GUSB: variants seen among roughly 807,000 people sequenced by gnomAD.
The protein encoded by GUSB is glucuronidase beta.
GUSB carries 51 observed loss-of-function variants against 74.6 expected under a neutral mutation model. That is an observed-to-expected ratio of 0.68 (90% confidence interval 0.55 to 0.86). GUSB has a LOEUF of 0.86. Ranked by LOEUF, GUSB falls within the 40% of genes least tolerant of loss-of-function variation. GUSB has a pLI of 0.00. For missense variants in GUSB, 736 were observed against 853.7 expected (o/e 0.86, Z 1.72); for synonymous variants, 360 against 348.3 (o/e 1.03, Z -0.37).
In GUSB at chr7:65,980,343, G is replaced by T; in HGVS notation, c.277C>A (p.Arg93=). The T allele has an allele frequency of 6.2e-7, 1 of 1,613,792 alleles. No homozygotes were observed. The highest frequency in any genetic ancestry group is 8.5e-7 in the Non-Finnish European group (1 of 1,179,852). Residue 93 remains arginine (R), a synonymous_variant, in exon 2 of 12, where the codon CGG becomes AGG. Coordinates refer to ENST00000304895, the MANE Select transcript of GUSB (RefSeq NM_000181.4). The part of the protein sequence containing the change: ...FNDISQDWRL[R]HFVGWVWYER... ...TACCACACCCAGCCGACAAAATGCC[G>T]CAGACGCCAGTCCTGGCTGATGTCA...
intron 1 of GUSB, 83 bp from the exon 2 acceptor site, chr7:65,980,492 C>A: frequency 1.6e-6 from 2 of 1,249,828 alleles, no homozygotes; most frequent in East Asian, 2.5e-5. Context: ...GCCCCCAGGC[C>A]TAGCACAAGC....
At position 65,970,750 on chromosome 7, in the gene GUSB, G is replaced by A. The variant is rs573285593; in HGVS notation, c.1392-384C>T. On this transcript the variant is annotated intron_variant, in intron 8 of 11. Transcript: ENST00000304895. ...TAAAAATACAAAAAATTAGCCGGGCGTGGTGGCCGGCGCCTATAGTCTGAG... is the reference window on the plus strand; with the variant it reads ...TAAAAATACAAAAAATTAGCCGGGCATGGTGGCCGGCGCCTATAGTCTGAG... Among the ~76,000 whole-genome samples the A allele has an allele frequency of 2.4e-3, 365 of 152,178 alleles. 1 individual carries two copies. The highest frequency in any genetic ancestry group is 8.3e-3 in the African/African-American group (344 of 41,524).
At chr7:65,977,491 T>G (rs1185778265) in intron 4 of GUSB, among the ~76,000 whole-genome samples, 3 of 152,190 alleles carry the variant, frequency 2.0e-5, no homozygotes, top group East Asian at 3.9e-4. Context: ...TAAATTGCTC[T>G]ATGGTGCATT....
chr7:65,980,047 A>G lies in GUSB; in HGVS notation c.397-136T>C. On this transcript the variant is annotated intron_variant, in intron 2 of 11. Coordinates refer to ENST00000304895, the MANE Select transcript of GUSB (RefSeq NM_000181.4). ...AGCCAGACGGGAAGAATGACATCCC[A>G]ATGGGGTAGATCAGGCTACCTATCC... 2.1e-6 allele frequency: 2 copies of G among 943,276 alleles called. 1 individual carries two copies. The highest frequency in any genetic ancestry group is 3.0e-5 in the South Asian group (2 of 65,712). 58.4% of individuals were successfully genotyped at this position (943,276 alleles called of 1,614,324 possible).
At chr7:65,971,634 AG>A (rs1404884009) in intron 8 of GUSB, among the ~76,000 whole-genome samples, 1 of 151,928 alleles carries the variant, frequency 6.6e-6, no homozygotes, top group Non-Finnish European at 1.5e-5. Context: ...CATGAGGCTG[AG>A]GCAGAAGAAT....
At chr7:65,980,477 G>T in intron 1 of GUSB, 68 bp from the exon 2 acceptor site, 1 of 1,425,254 alleles carries the variant, frequency 7.0e-7, no homozygotes, top group African/African-American at 1.4e-5. Context: ...GTGCTGCACG[G>T]CTGTGCCCCC....
chr7:65,964,191 A>G (rs1459901751), intron 11 of GUSB, 132 bp downstream of exon 11: 8 of 888,992 alleles, frequency 9.0e-6, no homozygotes, highest in Non-Finnish European at 1.5e-5. Flanking sequence ...TTCTCAACGC[A>G]ACCTACATGG....
At chr7:65,962,892 T>G (rs1790592597) in intron 11 of GUSB, among the ~76,000 whole-genome samples, 1 of 151,430 alleles carries the variant, frequency 6.6e-6, no homozygotes, top group Admixed American at 6.6e-5. Context: ...AGAGTCTCAC[T>G]CTATTGCTCA....
intron 1 of GUSB, chr7:65,980,848 A>G (rs1791963228): frequency 1.1e-5 from 3 of 269,838 alleles, no homozygotes; most frequent in Non-Finnish European, 2.2e-5. Context: ...CAAAGTCAGA[A>G]TAAGAGGATG....
chr7:65,981,921 T>C (rs2116060818), intron 1 of GUSB, 53 bp downstream of exon 1: 1 of 1,493,374 alleles, frequency 6.7e-7, no homozygotes, highest in Non-Finnish European at 9.1e-7. Context: ...CGGGCTCCCC[T>C]ACTCCCACCG....
chr7:65,974,260 C>T (rs1228457465), intron 8 of GUSB, 35 bp downstream of exon 8: 9 of 1,611,598 alleles, frequency 5.6e-6, no homozygotes, highest in Non-Finnish European at 7.6e-6. Flanking sequence ...GGGTCTCCTT[C>T]CCACTCTAGC....
intron 10 of GUSB, among the ~76,000 whole-genome samples, chr7:65,966,809 C>T (rs925576452): frequency 1.3e-5 from 2 of 151,938 alleles, no homozygotes; most frequent in Admixed American, 1.3e-4. Flanking sequence ...AAGGCTAGCA[C>T]AGTGGATCAT....
chr7:65,978,555 G>A (rs1216697254), intron 4 of GUSB, among the ~76,000 whole-genome samples: 1 of 152,036 alleles, frequency 6.6e-6, no homozygotes, highest in Non-Finnish European at 1.5e-5. Flanking sequence ...ATCACCTGAG[G>A]TTAGGAGTTC....
intron 3 of GUSB, 48 bp downstream of exon 3, chr7:65,979,679 G>A (rs1241224467): frequency 1.9e-6 from 3 of 1,596,318 alleles, no homozygotes; most frequent in Admixed American, 3.3e-5. Flanking sequence ...AGACCACAGG[G>A]TGGGGCGGGA....
chr7:65,966,490 T>G (rs567216433), intron 10 of GUSB, among the ~76,000 whole-genome samples: 2 of 151,190 alleles, frequency 1.3e-5, no homozygotes, highest in African/African-American at 4.9e-5. Flanking sequence ...AAAAATGAGA[T>G]AGATTAAAAA....
rs747608667 is a variant in GUSB, at chr7:65,974,534, C to T, written c.1236G>A (p.Leu412=). ...VVIDECPGVG[L]ALPQFFNNVS... is the part of the protein sequence containing the mutation. ...GCACAGCAGAGACTCACGGCAGCGC[C>T]AGGCCCACGCCGGGACACTCATCGA... Residue 412 remains leucine (L), a synonymous_variant, in exon 7 of 12, where the codon CTG becomes CTA. Coordinates refer to ENST00000304895, the MANE Select transcript of GUSB (RefSeq NM_000181.4). 6.2e-7 allele frequency: 1 copy of T among 1,614,186 alleles called. No individual in the cohort carries two copies. Among genetic ancestry groups the T allele is most frequent in the South Asian group, 1.1e-5 (1 of 91,092 alleles).
intron 11 of GUSB, among the ~76,000 whole-genome samples, chr7:65,963,588 C>T (rs1790641966): frequency 1.3e-5 from 1 of 74,520 alleles, no homozygotes; most frequent in African/African-American, 3.2e-5. Flanking sequence ...CTCTGTTGTC[C>T]AGGCTCTTGT....
intron 8 of GUSB, among the ~76,000 whole-genome samples, chr7:65,972,565 G>T (rs1583914832): frequency 6.6e-6 from 1 of 152,082 alleles, no homozygotes; most frequent in Non-Finnish European, 1.5e-5. Flanking sequence ...GGCTGTGGCT[G>T]GCACAGATCA....
rs114131564 is a variant in GUSB, at chr7:65,973,890, C to A, written c.1391+405G>T. On this transcript the variant is annotated intron_variant, in intron 8 of 11. Coordinates refer to ENST00000304895, the MANE Select transcript of GUSB (RefSeq NM_000181.4). ...AGGCTGCAGTAAGCCAAAACTGCAC[C>A]GCTGCACTCCAACCTGGGCAACCAG... Among the ~76,000 whole-genome samples the A allele has an allele frequency of 5.8e-3, 881 of 151,838 alleles. 5 individuals carry two copies. Among genetic ancestry groups the A allele is most frequent in the African/African-American group, 0.02 (846 of 41,386 alleles).
Sources: allele counts gnomAD v4.1 joint callset (sites outside exome capture counted in the v4.1 genomes callset), GRCh38; gene constraint gnomAD v4.1.1; transcripts MANE v1.5; gene names NCBI Gene and HGNC (gene_info 2026-07-23, HGNC 2026-07-21).